The following ICA1L variants were observed in gnomAD, a reference collection of about 807,000 sequenced individuals.
ICA1L encodes islet cell autoantigen 1-like protein.
A neutral mutation model predicts 61.3 loss-of-function variants in ICA1L; 50 were observed. The ratio of observed to expected loss-of-function variants is 0.82; its 90% CI spans 0.65 to 1.03. The LOEUF is 1.03. Among genes scored for constraint, ICA1L ranks in the 50% least tolerant of loss-of-function variants. The probability of loss-of-function intolerance (pLI) is 0.00; values close to 1 mark genes in which losing one functional copy is unlikely to be tolerated. For missense variants in ICA1L, 508 were observed against 556.7 expected (o/e 0.91, Z 0.88); for synonymous variants, 161 against 191.3 (o/e 0.84, Z 1.31).
At chr2:202,842,530 T>C (rs547796382) in intron 1 of ICA1L, among the ~76,000 whole-genome samples, 1 of 152,364 alleles carries the variant, frequency 6.6e-6, no homozygotes, top group African/African-American at 2.4e-5. Context: ...TCTAGCCTTA[T>C]TGGAACTCCT....
At chr2:202,833,601 T>A (rs1208707386) in intron 1 of ICA1L, among the ~76,000 whole-genome samples, 1 of 151,286 alleles carries the variant, frequency 6.6e-6, no homozygotes, top group Non-Finnish European at 1.5e-5. Context: ...AATAAAAAAT[T>A]AAAAAATAAA....
intron 4 of ICA1L, 126 bp downstream of exon 4, chr2:202,821,232 T>G: frequency 2.6e-6 from 2 of 769,380 alleles, no homozygotes; most frequent in Non-Finnish European, 4.0e-6. Context: ...AACATAACTG[T>G]GATATATTTC....
chr2:202,804,885 G>A (rs1181043667), intron 9 of ICA1L, among the ~76,000 whole-genome samples: 3 of 152,122 alleles, frequency 2.0e-5, no homozygotes, highest in African/African-American at 7.2e-5. Flanking sequence ...TCCATAATTT[G>A]GCAATTTCAG....
Position 202,837,743 on chromosome 2 carries a change from C to CT in ICA1L, c.-7-8728dup, listed in dbSNP as rs893281332. Among the ~76,000 whole-genome samples, 348 of 147,882 alleles carry CT rather than the reference C, an allele frequency of 2.4e-3. 2 individuals are homozygous for CT. The highest frequency in any genetic ancestry group is 6.2e-3 in the African/African-American group (251 of 40,512). On this transcript the variant is annotated intron_variant, in intron 1 of 12. Transcript: ENST00000358299. ...ATTAGGTTGTTTATTTAGGGCTTTT[C>CT]TTTTTTTTTTGATACAGGCATTCAT...
intron 1 of ICA1L, chr2:202,871,310 G>C (rs1265704161): frequency 6.6e-6 from 1 of 152,244 alleles, no homozygotes; most frequent in Non-Finnish European, 1.5e-5. Flanking sequence ...GCGTGGCCGG[G>C]AGGCGCCCTT....
At chr2:202,795,780 C>T (rs887141757) in intron 10 of ICA1L, among the ~76,000 whole-genome samples, 1 of 151,978 alleles carries the variant, frequency 6.6e-6, no homozygotes, top group South Asian at 2.1e-4. Context: ...CGGTGGCTCA[C>T]GTCTGTAATC....
At chr2:202,864,958 G>A (rs1687446740) in intron 1 of ICA1L, among the ~76,000 whole-genome samples, 1 of 152,108 alleles carries the variant, frequency 6.6e-6, no homozygotes, top group South Asian at 2.1e-4. Context: ...GAGGTCAGGG[G>A]TTGGAGATCA....
At chr2:202,793,658 A>G (rs1469769140) in intron 10 of ICA1L, among the ~76,000 whole-genome samples, 2 of 151,094 alleles carry the variant, frequency 1.3e-5, no homozygotes, top group Non-Finnish European at 3.0e-5. Flanking sequence ...CAGCCTGGGT[A>G]ACAGAGAGAG....
chr2:202,855,180 C>T (rs1484523229), intron 1 of ICA1L, among the ~76,000 whole-genome samples: 4 of 152,100 alleles, frequency 2.6e-5, no homozygotes, highest in Non-Finnish European at 5.9e-5. Flanking sequence ...GCACTAAATG[C>T]CCACATCAGA....
chr2:202,864,625 A>ATGTGTGTGTGTGTG (rs1238682382), intron 1 of ICA1L, among the ~76,000 whole-genome samples: 9 of 135,410 alleles, frequency 6.6e-5, no homozygotes, highest in Non-Finnish European at 1.0e-4. Context: ...GTGTATATAT[A>ATGTGTGTGTGTGTG]TATGTGTGTG....
At chr2:202,835,346 C>T (rs1469001910) in intron 1 of ICA1L, among the ~76,000 whole-genome samples, 6 of 150,694 alleles carry the variant, frequency 4.0e-5, no homozygotes, top group African/African-American at 1.5e-4. Context: ...GCTGGGATTA[C>T]AGGTGCATGC....
Position 202,774,180 on chromosome 2 carries a change from G to T in ICA1L, c.*5353C>A. On this transcript the variant is annotated 3_prime_UTR_variant, in exon 13 of 13. Coordinates refer to ENST00000358299, the MANE Select transcript of ICA1L (RefSeq NM_001288622.3). ...TCATATCTGAGCGGCTTCTTGGAGAGCGGGCACACCAGGAACTCCAGCAGC... is the reference window on the plus strand; with the variant it reads ...TCATATCTGAGCGGCTTCTTGGAGATCGGGCACACCAGGAACTCCAGCAGC... 2 of 1,550,362 alleles carry T rather than the reference G, an allele frequency of 1.3e-6. No homozygotes were observed. Among genetic ancestry groups the T allele is most frequent in the Non-Finnish European group, 1.7e-6 (2 of 1,145,960 alleles).
intron 10 of ICA1L, among the ~76,000 whole-genome samples, chr2:202,792,611 T>C (rs2105825275): frequency 6.6e-6 from 1 of 152,232 alleles, no homozygotes; most frequent in African/African-American, 2.4e-5. Context: ...GAGACCATCC[T>C]GGCTAACACA....
chr2:202,827,947 T>C (rs1323453231), intron 2 of ICA1L, among the ~76,000 whole-genome samples: 1 of 152,166 alleles, frequency 6.6e-6, no homozygotes, highest in Non-Finnish European at 1.5e-5. Context: ...AATCCCTGCT[T>C]AGAAATATTT....
intron 1 of ICA1L, among the ~76,000 whole-genome samples, chr2:202,863,651 C>T (rs549513798): frequency 6.6e-6 from 1 of 151,740 alleles, no homozygotes; most frequent in Non-Finnish European, 1.5e-5. Context: ...GGTGAAACCC[C>T]GTCTCTACTA....
At chr2:202,852,100 G>T (rs9288331) in intron 1 of ICA1L, among the ~76,000 whole-genome samples, 63,769 of 151,916 alleles carry the variant, frequency 0.42, 14,325 homozygotes, top group Middle Eastern at 0.66. Flanking sequence ...GTCCTGAATG[G>T]TATTGCCTAG....
At chr2:202,854,799 G>C (rs1430138656) in intron 1 of ICA1L, among the ~76,000 whole-genome samples, 1 of 152,118 alleles carries the variant, frequency 6.6e-6, no homozygotes, top group African/African-American at 2.4e-5. Flanking sequence ...AGGCCATGGC[G>C]GGCAGATCAC....
intron 1 of ICA1L, among the ~76,000 whole-genome samples, chr2:202,847,177 A>G (rs1465313417): frequency 6.6e-6 from 1 of 152,220 alleles, no homozygotes; most frequent in Non-Finnish European, 1.5e-5. Context: ...TATTCCAGAC[A>G]TAATCTAATA....
At position 202,778,480 on chromosome 2, in the gene ICA1L, C is replaced by T. The variant is rs1382097499; in HGVS notation, c.*1053G>A. ...GAGGGAAGTAGAAAAATGAGACACT[C>T]CCTTATTGATCACACAGAGCTTTCT... is the stretch of plus-strand genomic sequence containing the variant. On this transcript the variant is annotated 3_prime_UTR_variant, in exon 13 of 13. Coordinates refer to ENST00000358299, the MANE Select transcript of ICA1L (RefSeq NM_001288622.3). 6.6e-6 allele frequency: 1 copy of T among 152,146 alleles called. No individual in the cohort carries two copies. Among genetic ancestry groups the T allele is most frequent in the Non-Finnish European group, 1.5e-5 (1 of 68,022 alleles). The allele number at this position is 152,146 out of a possible 1,614,324, so 9.4% of individuals were successfully genotyped here.
Sources: allele counts gnomAD v4.1 joint callset (sites outside exome capture counted in the v4.1 genomes callset), GRCh38; gene constraint gnomAD v4.1.1; transcripts MANE v1.5; gene names NCBI Gene and HGNC (gene_info 2026-07-23, HGNC 2026-07-21).